The following USP25 variants were observed in gnomAD, a reference collection of about 807,000 sequenced individuals.
USP25 encodes the protein ubiquitin specific peptidase 25, also known as ubiquitin carboxyl-terminal hydrolase 25.
Under a neutral mutation model 158.5 loss-of-function variants are expected in USP25, and 85 were observed. That is an observed-to-expected ratio of 0.54 (90% CI 0.45 to 0.64). USP25 has a LOEUF of 0.64. Among genes scored for constraint, USP25 ranks in the 30% least tolerant of loss-of-function variants. USP25 has a pLI of 0.00. For synonymous variants in USP25, 464 were observed against 460.4 expected (o/e 1.01, Z -0.10); for missense variants, 1,242 against 1,327.3 (o/e 0.94, Z 1.00).
At chr21:15,790,761 T>A (rs1302471521) in intron 4 of USP25, among the ~76,000 whole-genome samples, 1 of 151,852 alleles carries the variant, frequency 6.6e-6, no homozygotes, top group African/African-American at 2.4e-5. Flanking sequence ...GTTATGATTA[T>A]ACTTATGTTG....
At chr21:15,821,714 A>G (rs1294433438) in intron 10 of USP25, among the ~76,000 whole-genome samples, 1 of 151,992 alleles carries the variant, frequency 6.6e-6, no homozygotes. Context: ...TCTTGTGCAT[A>G]GTTTACATCC....
At chr21:15,767,253 T>C (rs961089135) in intron 3 of USP25, among the ~76,000 whole-genome samples, 3 of 152,058 alleles carry the variant, frequency 2.0e-5, no homozygotes, top group African/African-American at 4.8e-5. Flanking sequence ...TGGTATTTAA[T>C]TTCTCTGTCT....
In USP25 at chr21:15,878,327, A is replaced by T; in HGVS notation, c.3230A>T (p.Asp1077Val). 6.2e-7 allele frequency: 1 copy of T among 1,612,192 alleles called. No individual in the cohort carries two copies. The highest frequency in any genetic ancestry group is 1.1e-5 in the South Asian group (1 of 90,612). The change falls in exon 26 of 26, where the codon GAT (aspartate) becomes GTT (valine). Residue 1077 changes from aspartate (D) to valine (V), a missense_variant. Around this residue, in one of 3 missense-constraint regions of USP25, gnomAD observed 608 missense variants for 605.2 expected, o/e 1.00. Transcript: ENST00000400183. ...MEPHLQEKLT[D>V]FLPKLLDCSM... is the part of the protein sequence containing the mutation. ...GCACACCTCCAAGAAAAGCTGACAG[A>T]TTTTTTGCCAAAACTGCTTGATTGT...
At chr21:15,769,156 T>C (rs1236849762) in intron 3 of USP25, among the ~76,000 whole-genome samples, 2 of 152,116 alleles carry the variant, frequency 1.3e-5, no homozygotes, top group Non-Finnish European at 2.9e-5. Context: ...GAGGCTAAAC[T>C]ATATTATGTC....
At chr21:15,798,861 T>G (rs956331805) in intron 5 of USP25, among the ~76,000 whole-genome samples, 2 of 151,280 alleles carry the variant, frequency 1.3e-5, no homozygotes, top group African/African-American at 4.8e-5. Flanking sequence ...CTCATTGATT[T>G]GTGGTGCCAC....
At position 15,843,013 on chromosome 21, in the gene USP25, G is replaced by C. The variant is rs1250239963; in HGVS notation, c.2337+473G>C. On this transcript the variant is annotated intron_variant, in intron 18 of 25. Transcript: ENST00000400183. This position sits in a 1 kb window ranked among gnomAD's most constrained non-coding sequence, Gnocchi z 4.0. ...AAACTACTAGATACTGTAGATTAGA[G>C]TATTATTAGAAGGATAAGTAGGATG... 6.6e-6 allele frequency among the ~76,000 whole-genome samples: 1 copy of C among 151,926 alleles called. No individual in the cohort carries two copies. The highest frequency in any genetic ancestry group is 1.5e-5 in the Non-Finnish European group (1 of 67,998).
intron 19 of USP25, among the ~76,000 whole-genome samples, chr21:15,849,030 A>G (rs533480414): frequency 2.6e-5 from 4 of 152,272 alleles, no homozygotes; most frequent in Admixed American, 6.5e-5. Context: ...ATGGCTCTAC[A>G]TTGTTCTAGT....
chr21:15,830,282 T>C (rs984558388), intron 14 of USP25, among the ~76,000 whole-genome samples: 2 of 152,178 alleles, frequency 1.3e-5, no homozygotes, highest in Non-Finnish European at 2.9e-5. Flanking sequence ...AATTCACTTT[T>C]ATTGGCTCTG....
Position 15,762,874 on chromosome 21 carries a change from GT to G in USP25, c.46-12del. On this transcript the variant is annotated splice_polypyrimidine_tract_variant and intron_variant, in intron 1 of 25. Transcript: ENST00000400183. ...AGAGTTGAGAATATAATGATTTTGG[GT>G]TTTTCCTCCCTCTAGCACCAGCAGA... 6.2e-7 allele frequency: 1 copy of G among 1,604,120 alleles called. No individual in the cohort carries two copies. Among genetic ancestry groups the G allele is most frequent in the Non-Finnish European group, 8.5e-7 (1 of 1,176,014 alleles).
chr21:15,733,160 C>G (rs942481937), intron 1 of USP25, among the ~76,000 whole-genome samples: 1 of 116,384 alleles, frequency 8.6e-6, no homozygotes, highest in Non-Finnish European at 1.7e-5. Flanking sequence ...ATCTATCTAA[C>G]CCGATGAACC....
At chr21:15,812,238 ACTAT>A (rs1374373648) in intron 9 of USP25, among the ~76,000 whole-genome samples, 1 of 152,054 alleles carries the variant, frequency 6.6e-6, no homozygotes, top group African/African-American at 2.4e-5. Context: ...GAAGTAGAAC[ACTAT>A]CTGATGCAGC....
intron 1 of USP25, among the ~76,000 whole-genome samples, chr21:15,752,564 A>G (rs914144216): frequency 3.3e-5 from 5 of 152,238 alleles, no homozygotes; most frequent in Admixed American, 3.3e-4. Flanking sequence ...ATATGGTTGA[A>G]AGGTTGGGTG....
chr21:15,787,621 T>G (rs2035351065), intron 4 of USP25, among the ~76,000 whole-genome samples: 1 of 152,106 alleles, frequency 6.6e-6, no homozygotes, highest in African/African-American at 2.4e-5. Flanking sequence ...AACTGGTCGG[T>G]TCTTCTTAAA....
At chr21:15,798,189 T>C (rs1273574872) in intron 5 of USP25, among the ~76,000 whole-genome samples, 1 of 151,238 alleles carries the variant, frequency 6.6e-6, no homozygotes, top group African/African-American at 2.4e-5. Context: ...CCTTAATTTA[T>C]TGGAAGAATG....
At chr21:15,746,958 T>C (rs2032608650) in intron 1 of USP25, among the ~76,000 whole-genome samples, 1 of 152,220 alleles carries the variant, frequency 6.6e-6, no homozygotes, top group African/African-American at 2.4e-5. Context: ...TTTTAGTTGT[T>C]GCACTTCTTA....
intron 23 of USP25, among the ~76,000 whole-genome samples, chr21:15,872,598 CATCTTT>C (rs2039941229): frequency 6.6e-6 from 1 of 152,144 alleles, no homozygotes; most frequent in Admixed American, 6.5e-5. Context: ...TCATAAATAA[CATCTTT>C]AACTGAGAAT....
intron 17 of USP25, among the ~76,000 whole-genome samples, chr21:15,838,570 G>A (rs1029491374): frequency 2.6e-5 from 4 of 152,112 alleles, no homozygotes; most frequent in African/African-American, 9.7e-5. Context: ...TTCCACCAGC[G>A]ATTCTATGCA....
intron 5 of USP25, among the ~76,000 whole-genome samples, chr21:15,798,154 C>T (rs146080022): frequency 7.3e-4 from 111 of 151,348 alleles, no homozygotes; most frequent in African/African-American, 2.5e-3. Context: ...TTTGCAGTTG[C>T]CAAATCCAAA....
At position 15,866,284 on chromosome 21, in the gene USP25, A is replaced by C. The variant is rs747009329; in HGVS notation, c.2745A>C (p.Lys915Asn). The C allele has an allele frequency of 1.4e-5, 22 of 1,604,842 alleles. No homozygotes were observed. In the South Asian group the frequency reaches 2.3e-4, roughly 17 times the overall value. Residue 915 changes from lysine to asparagine, a missense_variant, in exon 22 of 26, where the codon AAA (lysine) becomes AAC (asparagine). Physicochemically the swap from Lys to Asn is moderately conservative, Grantham distance 94. Around this residue, in one of 3 missense-constraint regions of USP25, gnomAD observed 608 missense variants for 605.2 expected, o/e 1.00. Coordinates refer to ENST00000400183, the MANE Select transcript of USP25 (RefSeq NM_001283041.3). ...TTTTAAGGTGTCACAACATAATGAA[A>C]GTTGCTCAAGCCAAACTGGAAATGA... ...SFDERCHNIMKVAQAKLEMIK... is the reference protein window; with the variant it reads ...SFDERCHNIMNVAQAKLEMIK...
Sources: allele counts gnomAD v4.1 joint callset (sites outside exome capture counted in the v4.1 genomes callset), GRCh38; gene constraint gnomAD v4.1.1; regional missense constraint gnomAD v4.1.1; non-coding constraint Gnocchi (gnomAD v3.1); transcripts MANE v1.5; gene names NCBI Gene and HGNC (gene_info 2026-07-23, HGNC 2026-07-21).